C8orf34: variants seen among roughly 807,000 people sequenced by gnomAD.
The protein encoded by C8orf34 is uncharacterized protein C8orf34.
C8orf34 carries 65 observed loss-of-function variants against 68.3 expected under a neutral mutation model. The observed-to-expected ratio is 0.95, with a 90% CI of 0.78 to 1.17. The LOEUF (loss-of-function observed/expected upper bound fraction) is 1.17. Ranked by LOEUF, C8orf34 falls within the 50% of genes most tolerant of loss-of-function variation. The pLI is 0.00. For missense variants in C8orf34, 664 were observed against 655.4 expected, an observed-to-expected ratio of 1.01 and a Z score of -0.14; for synonymous variants, 244 against 241.2, an observed-to-expected ratio of 1.01 and a Z score of -0.11.
chr8:68,471,935 CA>C (rs1199283789), intron 4 of C8orf34, among the ~76,000 whole-genome samples: 1 of 133,578 alleles, frequency 7.5e-6, no homozygotes, highest in Admixed American at 7.3e-5. Flanking sequence ...AACACACACA[CA>C]CACACACACA....
chr8:68,733,568 T>A (rs1313755530), intron 10 of C8orf34, among the ~76,000 whole-genome samples: 1 of 152,212 alleles, frequency 6.6e-6, no homozygotes, highest in Non-Finnish European at 1.5e-5. Flanking sequence ...TGCCTTCTTA[T>A]ATGATTTTTT....
chr8:68,384,915 A>AT (rs1436532864), intron 1 of C8orf34, among the ~76,000 whole-genome samples: 1 of 152,144 alleles, frequency 6.6e-6, no homozygotes, highest in Non-Finnish European at 1.5e-5. Flanking sequence ...TTGCTGATAG[A>AT]TTTTCTATCA....
chr8:68,331,318 C>A lies in C8orf34; in HGVS notation c.306C>A (p.Asn102Lys). Reference protein sequence around the residue: ...QTRIQAYLEKNKIGPLFEELM... With the variant: ...QTRIQAYLEKKKIGPLFEELM... The stretch of plus-strand genomic sequence containing the variant: ...GGATCCAGGCTTACCTGGAGAAGAA[C>A]AAGATCGGTCCCCTGTTTGAGGTAA... Residue 102 changes from asparagine to lysine, a missense_variant, in exon 1 of 14, where the codon AAC becomes AAA. Asn to Lys is a moderately conservative substitution (Grantham distance 94). Transcript: ENST00000518698. 1 of 1,536,488 alleles carries A rather than the reference C, an allele frequency of 6.5e-7. No homozygotes were observed. Among genetic ancestry groups the A allele is most frequent in the East Asian group, 2.4e-5 (1 of 40,908 alleles).
intron 8 of C8orf34, among the ~76,000 whole-genome samples, chr8:68,693,092 CTTAGATTTCCCCCAAAT>C (rs1339625225): frequency 6.6e-6 from 1 of 152,018 alleles, no homozygotes; most frequent in Non-Finnish European, 1.5e-5. Context: ...TTCCTGTAGT[CTTAGATTTCCCCCAAAT>C]TTATGAATTG....
intron 7 of C8orf34, among the ~76,000 whole-genome samples, chr8:68,603,529 CT>C (rs57276098): frequency 4.4e-4 from 37 of 84,358 alleles, no homozygotes; most frequent in Non-Finnish European, 6.9e-4. Context: ...ATATATCTAT[CT>C]ATCTATCTAT....
chr8:68,447,688 A>G (rs1255914238), intron 3 of C8orf34: 1 of 152,198 alleles, frequency 6.6e-6, no homozygotes, highest in Non-Finnish European at 1.5e-5. Context: ...CATTTGTGAA[A>G]GCAACTAAAT....
At chr8:68,602,386 A>G (rs1817724099) in intron 7 of C8orf34, among the ~76,000 whole-genome samples, 1 of 152,158 alleles carries the variant, frequency 6.6e-6, no homozygotes, top group African/African-American at 2.4e-5. Context: ...GCCTCAGGAA[A>G]CTTACAATCA....
chr8:68,380,197 G>A (rs980841398), intron 1 of C8orf34, among the ~76,000 whole-genome samples: 1 of 152,106 alleles, frequency 6.6e-6, no homozygotes, highest in Non-Finnish European at 1.5e-5. Context: ...TCTGCTTATG[G>A]TTAGAGAAAA....
rs946560472 is a variant in C8orf34, at chr8:68,746,186, A to G, written c.1404+24749A>G. ...GAAATAAAGATGTTCTTTGAAACCA[A>G]TGAGAACAAACACACAACATACCAG... On this transcript the variant is annotated intron_variant, in intron 10 of 13. Coordinates refer to ENST00000518698, the MANE Select transcript of C8orf34 (RefSeq NM_052958.4). Among the ~76,000 whole-genome samples the G allele has an allele frequency of 3.3e-5, 5 of 152,242 alleles. No individual in the cohort carries two copies. The South Asian group carries it at 6.2e-4, about 19-fold the overall frequency.
chr8:68,406,236 C>A (rs535745744), intron 1 of C8orf34, among the ~76,000 whole-genome samples: 1 of 152,148 alleles, frequency 6.6e-6, no homozygotes, highest in South Asian at 2.1e-4. Flanking sequence ...TAAACATACA[C>A]GTAGTTTTGG....
intron 5 of C8orf34, among the ~76,000 whole-genome samples, chr8:68,503,691 T>C (rs980553933): frequency 2.0e-5 from 3 of 150,844 alleles, no homozygotes; most frequent in African/African-American, 7.3e-5. Flanking sequence ...TTTTTCTTTT[T>C]TTTTTTTTTT....
intron 8 of C8orf34, among the ~76,000 whole-genome samples, chr8:68,668,880 C>T (rs1294658621): frequency 6.6e-6 from 1 of 152,014 alleles, no homozygotes; most frequent in Non-Finnish European, 1.5e-5. Flanking sequence ...GAGAGGAGTC[C>T]TTAGGAGGAA....
chr8:68,378,952 A>C (rs781681284), intron 1 of C8orf34, among the ~76,000 whole-genome samples: 1 of 152,066 alleles, frequency 6.6e-6, no homozygotes, highest in Non-Finnish European at 1.5e-5. Context: ...TATAACTTCC[A>C]AAAAGTGAAG....
intron 10 of C8orf34, among the ~76,000 whole-genome samples, chr8:68,741,962 A>G (rs1285245294): frequency 6.6e-6 from 1 of 152,196 alleles, no homozygotes; most frequent in Non-Finnish European, 1.5e-5. Flanking sequence ...CAATCTATCC[A>G]ACATTCTATC....
intron 1 of C8orf34, among the ~76,000 whole-genome samples, chr8:68,398,207 A>G (rs1323713116): frequency 1.3e-5 from 2 of 152,212 alleles, no homozygotes; most frequent in African/African-American, 4.8e-5. Flanking sequence ...ATAGAAACAC[A>G]AAGATACTAA....
At chr8:68,523,736 A>G (rs143789060) in intron 6 of C8orf34, among the ~76,000 whole-genome samples, 63 of 152,278 alleles carry the variant, frequency 4.1e-4, no homozygotes, top group African/African-American at 1.5e-3. Flanking sequence ...ACACCGCATT[A>G]GATTTGATTT....
intron 11 of C8orf34, among the ~76,000 whole-genome samples, chr8:68,780,417 A>G (rs2958319): frequency 0.016 from 2,495 of 152,344 alleles, 30 homozygotes; most frequent in Non-Finnish European, 0.025. Flanking sequence ...ATCCCAAAGT[A>G]TAGTGTAGGA....
intron 1 of C8orf34, among the ~76,000 whole-genome samples, chr8:68,409,397 C>T (rs1469418179): frequency 6.6e-6 from 1 of 152,106 alleles, no homozygotes; most frequent in African/African-American, 2.4e-5. Context: ...GATCCTGACC[C>T]TGTGTAGGCC....
chr8:68,402,863 A>G (rs1035022906), intron 1 of C8orf34, among the ~76,000 whole-genome samples: 6 of 152,156 alleles, frequency 3.9e-5, no homozygotes, highest in African/African-American at 1.4e-4. Context: ...CTCCATATGA[A>G]TAAGTCTTTT....
Sources: gnomAD v4.1 joint callset for allele counts (sites outside exome capture counted in the v4.1 genomes callset) on GRCh38, gnomAD v4.1.1 for gene constraint, MANE v1.5 for transcripts, NCBI Gene and HGNC (gene_info 2026-07-23, HGNC 2026-07-21) for gene names.